ACSF3: variants seen among roughly 807,000 people sequenced by gnomAD.
The protein encoded by ACSF3 is acyl-CoA synthetase family member 3, also known as malonate--CoA ligase ACSF3, mitochondrial.
Under a neutral mutation model 53.2 loss-of-function variants are expected in ACSF3, and 78 were observed. The ratio of observed to expected loss-of-function variants is 1.47; its 90% CI spans 1.22 to 1.77. The LOEUF (loss-of-function observed/expected upper bound fraction) is 1.77, where lower values mean the gene tolerates loss of function less well. Among genes scored for constraint, ACSF3 ranks in the 40% most tolerant of loss-of-function variants. The probability of loss-of-function intolerance (pLI) is 0.00; values close to 1 mark genes in which losing one functional copy is unlikely to be tolerated. For synonymous variants in ACSF3, 414 were observed against 333.1 expected (o/e 1.24, Z -2.65); for missense variants, 937 against 771.1 (o/e 1.22, Z -2.55).
chr16:89,133,588 C>T (rs1306744900), intron 8 of ACSF3, among the ~76,000 whole-genome samples: 2 of 152,316 alleles, frequency 1.3e-5, no homozygotes. Flanking sequence ...GGGCCCCACG[C>T]AGCCCTTCCT....
At chr16:89,153,604 G>A (rs1189966797) in intron 10 of ACSF3, 5 of 238,844 alleles carry the variant, frequency 2.1e-5, no homozygotes, top group East Asian at 2.0e-4. Context: ...AGGACTGTGC[G>A]GCATTTACTC....
intron 8 of ACSF3, among the ~76,000 whole-genome samples, chr16:89,139,336 G>A (rs944152519): frequency 5.3e-5 from 8 of 152,018 alleles, no homozygotes; most frequent in African/African-American, 1.2e-4. Context: ...CAGCATCCTC[G>A]TCTTCCCTCT....
Position 89,114,372 on chromosome 16 carries a change from C to T in ACSF3, c.1011C>T (p.Leu337=), listed in dbSNP as rs757799912. Reference sequence around the variant, plus strand: ...TCTCAGGCTCAGCTGCCCTGCCCCTCCCAGTGCTGGAGAAGTGGAAGAACA... The same window carrying T: ...TCTCAGGCTCAGCTGCCCTGCCCCTTCCAGTGCTGGAGAAGTGGAAGAACA... ...LMVSGSAALP[L]PVLEKWKNIT... is the part of the protein sequence containing the mutation. The change falls in exon 6 of 11, where the codon CTC becomes CTT. Residue 337 remains leucine (L), a synonymous_variant. Transcript: ENST00000614302. 5.6e-6 allele frequency: 9 copies of T among 1,613,998 alleles called. No individual in the cohort carries two copies. Among genetic ancestry groups the T allele is most frequent in the Non-Finnish European group, 8.5e-7 (1 of 1,180,050 alleles).
At chr16:89,123,156 G>A (rs1907074683) in intron 7 of ACSF3, among the ~76,000 whole-genome samples, 1 of 152,180 alleles carries the variant, frequency 6.6e-6, no homozygotes, top group Non-Finnish European at 1.5e-5. Context: ...GCCCTGCGGG[G>A]CCTGGCTCCA....
chr16:89,096,733 C>T (rs539407490), intron 1 of ACSF3, among the ~76,000 whole-genome samples: 198 of 152,334 alleles, frequency 1.3e-3, no homozygotes, highest in African/African-American at 4.5e-3. Context: ...GGACTCCCCC[C>T]TTCCCTCGGC....
chr16:89,132,470 C>G (rs571067385), intron 7 of ACSF3, among the ~76,000 whole-genome samples: 188 of 152,024 alleles, frequency 1.2e-3, no homozygotes, highest in Middle Eastern at 7.0e-3. Context: ...CTCATATAAC[C>G]CAGCCTCCCT....
intron 8 of ACSF3, chr16:89,141,350 G>C: frequency 8.0e-7 from 1 of 1,252,108 alleles, no homozygotes; most frequent in Non-Finnish European, 1.0e-6. Flanking sequence ...GCTCTGTGCT[G>C]AGAAGCTAGA....
intron 1 of ACSF3, among the ~76,000 whole-genome samples, chr16:89,097,681 G>T (rs892082334): frequency 6.6e-6 from 1 of 152,254 alleles, no homozygotes; most frequent in African/African-American, 2.4e-5. Context: ...GTGAAGCCCA[G>T]TTGTTTTCTT....
intron 6 of ACSF3, among the ~76,000 whole-genome samples, chr16:89,116,226 A>G (rs1905091324): frequency 6.6e-6 from 1 of 152,144 alleles, no homozygotes; most frequent in Non-Finnish European, 1.5e-5. Context: ...AGCCCTTTGG[A>G]TCTTTGTTGA....
At chr16:89,119,575 CAT>C (rs967539408) in intron 6 of ACSF3, among the ~76,000 whole-genome samples, 24 of 152,250 alleles carry the variant, frequency 1.6e-4, no homozygotes, top group African/African-American at 4.8e-4. Flanking sequence ...AGAAGCAAAA[CAT>C]AAAGGAGGAG....
At chr16:89,147,666 C>T (rs1913358758) in intron 10 of ACSF3, 1 of 152,058 alleles carries the variant, frequency 6.6e-6, no homozygotes, top group South Asian at 2.1e-4. Flanking sequence ...GGGGAAAATC[C>T]ACCCCTGTGA....
At chr16:89,118,614 C>T (rs1905809233) in intron 6 of ACSF3, among the ~76,000 whole-genome samples, 7 of 152,188 alleles carry the variant, frequency 4.6e-5, no homozygotes, top group Admixed American at 4.6e-4. Context: ...TGGTTACAGG[C>T]CTGCTCCGTG....
At chr16:89,132,778 C>A (rs1056596277) in intron 7 of ACSF3, among the ~76,000 whole-genome samples, 2 of 152,186 alleles carry the variant, frequency 1.3e-5, no homozygotes, top group Non-Finnish European at 2.9e-5. Flanking sequence ...CGTGGACAGG[C>A]TGCCTGAATC....
chr16:89,145,836 G>A, intron 9 of ACSF3, 102 bp from the exon 10 acceptor site: 2 of 1,022,078 alleles, frequency 2.0e-6, no homozygotes, highest in Non-Finnish European at 3.1e-6. Flanking sequence ...CGGGCTCCAG[G>A]GCTGCGGCCA....
In ACSF3 at chr16:89,133,231, T is replaced by C. The variant is rs1259124836; in HGVS notation, c.1335T>C (p.Ser445=). 1 of 1,613,698 alleles carries C rather than the reference T, an allele frequency of 6.2e-7. No individual in the cohort carries two copies. Among genetic ancestry groups the C allele is most frequent in the Non-Finnish European group, 8.5e-7 (1 of 1,179,946 alleles). Residue 445 remains serine, a synonymous_variant, in exon 8 of 11, where the codon AGT becomes AGC. Coordinates refer to ENST00000614302, the MANE Select transcript of ACSF3 (RefSeq NM_001243279.3). ...EYWNKPEETK[S]AFTLDGWFKT... ...GGAATAAACCAGAAGAAACTAAGAG[T>C]GCATTCACCCTGGATGGCTGGTTTA... is the stretch of plus-strand genomic sequence containing the variant.
chr16:89,094,761 G>A (rs550260071), intron 1 of ACSF3, among the ~76,000 whole-genome samples: 27 of 152,274 alleles, frequency 1.8e-4, no homozygotes, highest in Middle Eastern at 3.4e-3. Context: ...TGGGTGTGGT[G>A]GCGTACACCT....
intron 10 of ACSF3, chr16:89,150,761 CCTTGCTGTCCAGGCCA>C (rs1319757597): frequency 5.7e-6 from 2 of 351,250 alleles, no homozygotes; most frequent in Admixed American, 3.9e-5. Context: ...GGAGCCAGGC[CCTTGCTGTCCAGGCCA>C]CTTGCTGTAC....
chr16:89,145,218 C>T (rs1447692677), intron 8 of ACSF3, 49 bp from the exon 9 acceptor site: 2 of 1,613,800 alleles, frequency 1.2e-6, no homozygotes, highest in East Asian at 2.2e-5. Context: ...CCTCAGGGGA[C>T]ACCGTGGTGT....
intron 1 of ACSF3, 142 bp from the exon 2 acceptor site, chr16:89,098,449 A>G (rs994280600): frequency 2.6e-5 from 9 of 352,644 alleles, no homozygotes; most frequent in African/African-American, 1.9e-4. Flanking sequence ...GTCGGGAGAT[A>G]AGGCTCACAG....
Sources: allele counts gnomAD v4.1 joint callset (sites outside exome capture counted in the v4.1 genomes callset), GRCh38; gene constraint gnomAD v4.1.1; transcripts MANE v1.5; gene names NCBI Gene and HGNC (gene_info 2026-07-23, HGNC 2026-07-21).